FAT3: variants seen among roughly 807,000 people sequenced by gnomAD.
The protein encoded by FAT3 is FAT atypical cadherin 3, also known as protocadherin Fat 3.
FAT3 carries 95 observed loss-of-function variants against 310.2 expected under a neutral mutation model. That is an observed-to-expected ratio of 0.31 (90% CI 0.26 to 0.36). FAT3 has a LOEUF of 0.36. FAT3 is among the 10% of genes least tolerant of loss of function. FAT3 has a pLI of 1.00. For missense variants in FAT3, 5,408 were observed against 5,715.6 expected, an observed-to-expected ratio of 0.95 and a Z score of 1.74; for synonymous variants, 2,314 against 2,192.9, an observed-to-expected ratio of 1.06 and a Z score of -1.54.
chr11:92,377,372 A>G (rs899045625), intron 2 of FAT3, among the ~76,000 whole-genome samples: 4 of 152,198 alleles, frequency 2.6e-5, no homozygotes, highest in Admixed American at 1.3e-4. Context: ...ACAAATACCC[A>G]GGAAATAAAC....
Position 92,354,211 on chromosome 11 carries a change from C to G in FAT3, c.2099C>G (p.Ala700Gly), listed in dbSNP as rs747545363. 1.9e-6 allele frequency: 3 copies of G among 1,613,634 alleles called. No homozygotes were observed. Among genetic ancestry groups the G allele is most frequent in the Non-Finnish European group, 2.5e-6 (3 of 1,179,850 alleles). The change falls in exon 2 of 28, where the codon GCA becomes GGA. Residue 700 changes from alanine to glycine, a missense_variant. Physicochemically the swap from Ala to Gly is moderately conservative, Grantham distance 60. Transcript: ENST00000525166. ...QKLAEKLLIK[A>G]KANGKLNLED... ...CTGGCAGAGAAACTACTCATTAAGG[C>G]AAAAGCAAATGGGAAACTGAATCTG...
intron 2 of FAT3, among the ~76,000 whole-genome samples, chr11:92,439,154 T>G (rs10501789): frequency 0.044 from 6,712 of 152,182 alleles, 459 homozygotes; most frequent in African/African-American, 0.14. Flanking sequence ...ATGTCTAAAT[T>G]CCTTCACTTA....
Position 92,512,902 on chromosome 11 carries a change from C to CT in FAT3, c.3293-11732_3293-11731insT, listed in dbSNP as rs1257454544. Among the ~76,000 whole-genome samples, 28 of 100,072 alleles carry CT rather than the reference C, an allele frequency of 2.8e-4. 4 individuals carry two copies. Among genetic ancestry groups the CT allele is most frequent in the South Asian group, 3.5e-4 (1 of 2,880 alleles). 65.7% of individuals were successfully genotyped at this position (100,072 alleles called of 152,430 possible). A position where few individuals can be genotyped will look rare whatever the true frequency, so the allele number is the denominator to read the frequency against. On this transcript the variant is annotated intron_variant, in intron 2 of 27. Transcript: ENST00000525166. ...CTTTGGGAGGCCGAGGCGGGCGGAT[C>CT]ACGAGGTCAGGAGATCGAGACCATC...
At chr11:92,585,510 A>G (rs970912667) in intron 3 of FAT3, among the ~76,000 whole-genome samples, 2 of 152,064 alleles carry the variant, frequency 1.3e-5, no homozygotes, top group Non-Finnish European at 2.9e-5. Context: ...AAAGTTCCAT[A>G]GATAAGTTAG....
Position 92,628,048 on chromosome 11 carries a change from G to GTCTTCC in FAT3, c.3608-69333_3608-69328dup, listed in dbSNP as rs1591538187. 2.6e-5 allele frequency among the ~76,000 whole-genome samples: 4 copies of GTCTTCC among 152,166 alleles called. No homozygotes were observed. In the East Asian group the frequency reaches 7.7e-4, roughly 29 times the overall value. On this transcript the variant is annotated intron_variant, in intron 3 of 27. Transcript: ENST00000525166. The stretch of plus-strand genomic sequence containing the variant: ...CTCATTTGACACACAGGTCAGTATA[G>GTCTTCC]TCTTCCTCACTGGGTTGTTTTATGG...
chr11:92,409,739 A>G (rs1950211544), intron 2 of FAT3, among the ~76,000 whole-genome samples: 1 of 152,198 alleles, frequency 6.6e-6, no homozygotes, highest in African/African-American at 2.4e-5. Context: ...TTTCACAGTT[A>G]GAAGCCAGCA....
At chr11:92,350,108 A>G (rs1948524968) in intron 1 of FAT3, among the ~76,000 whole-genome samples, 1 of 152,158 alleles carries the variant, frequency 6.6e-6, no homozygotes, top group African/African-American at 2.4e-5. Context: ...ATGTGGGTTA[A>G]AAGGTAAAAA....
chr11:92,799,947 A>T lies in FAT3; in HGVS notation c.6934A>T (p.Ile2312Phe), dbSNP rs1947288460. Residue 2312 changes from isoleucine to phenylalanine, a missense_variant, in exon 10 of 28, where the codon ATT becomes TTT. Ile to Phe is a conservative substitution (Grantham distance 21). Transcript: ENST00000525166. ...GACACCTGTTTTACAAGTTGTCTCT[A>T]TTGATGCAGACTCAGAAAACAATAA... ...IGTPVLQVVS[I>F]DADSENNKMV... The T allele has an allele frequency of 6.2e-7, 1 of 1,612,732 alleles. No individual in the cohort carries two copies. The highest frequency in any genetic ancestry group is 1.1e-5 in the South Asian group (1 of 90,876).
At chr11:92,322,878 G>A (rs577195674) in intron 1 of FAT3, among the ~76,000 whole-genome samples, 2 of 151,978 alleles carry the variant, frequency 1.3e-5, no homozygotes, top group South Asian at 4.2e-4. Flanking sequence ...CATCCATGAG[G>A]GTTACAATTA....
At chr11:92,430,370 C>A (rs559554874) in intron 2 of FAT3, among the ~76,000 whole-genome samples, 1 of 152,234 alleles carries the variant, frequency 6.6e-6, no homozygotes, top group South Asian at 2.1e-4. Context: ...AGTTTTGTTC[C>A]CTTGCTGGCG....
In FAT3 at chr11:92,806,493, A is replaced by G; in HGVS notation, c.9225A>G (p.Glu3075=). 1 of 1,548,794 alleles carries G rather than the reference A, an allele frequency of 6.5e-7. No individual in the cohort carries two copies. The highest frequency in any genetic ancestry group is 2.3e-5 in the East Asian group (1 of 43,346). The change falls in exon 12 of 28, where the codon GAA becomes GAG. Residue 3075 remains glutamate, a synonymous_variant. Coordinates refer to ENST00000525166, the MANE Select transcript of FAT3 (RefSeq NM_001367949.2). ...RYSLYGSGNS[E]FFLDPESGEL... is the part of the protein sequence containing the mutation. Reference sequence around the variant, plus strand: ...CACTCTATGGATCTGGAAACAGTGAATTTTTTCTAGATCCAGAAAGTGGTA... The same window carrying G: ...CACTCTATGGATCTGGAAACAGTGAGTTTTTTCTAGATCCAGAAAGTGGTA...
intron 4 of FAT3, among the ~76,000 whole-genome samples, chr11:92,729,472 G>T (rs1945106012): frequency 6.6e-6 from 1 of 150,556 alleles, no homozygotes; most frequent in African/African-American, 2.5e-5. Context: ...TGTCACCCAG[G>T]CTGGAGTGCA....
Position 92,663,512 on chromosome 11 carries a change from C to T in FAT3, c.3608-33872C>T, listed in dbSNP as rs145001558. The stretch of plus-strand genomic sequence containing the variant: ...ATAGCAACTGCCTCTTGAGCAGCGA[C>T]TCTGTCTGGATTTTATGTGTAAAAT... On this transcript the variant is annotated intron_variant, in intron 3 of 27. Transcript: ENST00000525166. Among the ~76,000 whole-genome samples, 371 of 152,282 alleles carry T rather than the reference C, an allele frequency of 2.4e-3. 3 individuals are homozygous for T. Among genetic ancestry groups the T allele is most frequent in the African/African-American group, 8.4e-3 (351 of 41,574 alleles).
chr11:92,844,930 A>G (rs1016547214), intron 19 of FAT3, among the ~76,000 whole-genome samples, 198 bp downstream of exon 19: 4 of 152,272 alleles, frequency 2.6e-5, no homozygotes, highest in African/African-American at 9.6e-5. Context: ...TGAGCAGCAC[A>G]GACAGACAAA....
chr11:92,263,945 C>T (rs1865669132), intron 1 of FAT3, among the ~76,000 whole-genome samples: 2 of 152,042 alleles, frequency 1.3e-5, no homozygotes, highest in African/African-American at 4.8e-5. Context: ...GCTAGTGAGG[C>T]AGTGCTCTGA....
At chr11:92,359,216 A>G (rs1371457584) in intron 2 of FAT3, among the ~76,000 whole-genome samples, 1 of 152,114 alleles carries the variant, frequency 6.6e-6, no homozygotes, top group Admixed American at 6.6e-5. Context: ...ACCAGATTAT[A>G]TATATCTTTT....
intron 4 of FAT3, among the ~76,000 whole-genome samples, chr11:92,712,908 G>A (rs952469606): frequency 1.4e-4 from 21 of 152,336 alleles, no homozygotes; most frequent in African/African-American, 5.1e-4. Flanking sequence ...AGGACAGAAT[G>A]CATGAGGCTG....
rs1263201744 is a variant in FAT3 at position 92,895,323 on chromosome 11, T to G, written c.*4210T>G. Reference sequence around the variant, plus strand: ...TTCTGATGAAAATCCACAATGTCTTTGAGCTTCTGGTTGTGTAATGCTGGG... The same window carrying G: ...TTCTGATGAAAATCCACAATGTCTTGGAGCTTCTGGTTGTGTAATGCTGGG... On this transcript the variant is annotated 3_prime_UTR_variant, in exon 28 of 28. Coordinates refer to ENST00000525166, the MANE Select transcript of FAT3 (RefSeq NM_001367949.2). 1 of 152,258 alleles carries G rather than the reference T, an allele frequency of 6.6e-6. No individual in the cohort carries two copies. Among genetic ancestry groups the G allele is most frequent in the African/African-American group, 2.4e-5 (1 of 41,468 alleles). 9.4% of individuals were successfully genotyped at this position (152,258 alleles called of 1,614,324 possible). A position where few individuals can be genotyped will look rare whatever the true frequency, so the allele number is the denominator to read the frequency against.
chr11:92,225,607 C>G (rs1430809312), intron 1 of FAT3, among the ~76,000 whole-genome samples: 1 of 152,064 alleles, frequency 6.6e-6, no homozygotes, highest in Non-Finnish European at 1.5e-5. Flanking sequence ...GTTCAGATGC[C>G]GATGGATGAT....
Sources: gnomAD v4.1 joint callset for allele counts (sites outside exome capture counted in the v4.1 genomes callset) on GRCh38, gnomAD v4.1.1 for gene constraint, MANE v1.5 for transcripts, NCBI Gene and HGNC (gene_info 2026-07-23, HGNC 2026-07-21) for gene names.